The following LPP variants were observed in gnomAD, a reference collection of about 807,000 sequenced individuals.
LPP encodes the protein lipoma-preferred partner.
LPP carries 38 observed loss-of-function variants against 60.4 expected under a neutral mutation model. The ratio of observed to expected loss-of-function variants is 0.63; its 90% CI spans 0.49 to 0.83. The LOEUF is 0.83. Ranked by LOEUF, LPP falls within the 40% of genes least tolerant of loss-of-function variation. LPP has a pLI of 0.00. For missense variants in LPP, 902 were observed against 783.6 expected (o/e 1.15, Z -1.80); for synonymous variants, 328 against 290.8 (o/e 1.13, Z -1.30).
rs71634069 is a variant in LPP at position 188,232,504 on chromosome 3, ATTTTTTTTTT to A, written c.-67+6991_-67+7000del. ...CAGATGCATGCCATCACACCCGGCT[ATTTTTTTTTT>A]TTTTTTTTTTTTTGTATTTTTAGTA... On this transcript the variant is annotated intron_variant, in intron 2 of 11. Coordinates refer to ENST00000617246, the MANE Select transcript of LPP (RefSeq NM_001375462.1). Among the ~76,000 whole-genome samples, 15 of 103,234 alleles carry A rather than the reference ATTTTTTTTTT, an allele frequency of 1.5e-4. No individual in the cohort carries two copies. The Admixed American group carries it at 1.5e-3, about 10-fold the overall frequency. The allele number at this position is 103,234 out of a possible 152,430, so 67.7% of individuals were successfully genotyped here.
chr3:188,744,329 G>C (rs962133823), intron 8 of LPP, among the ~76,000 whole-genome samples: 5 of 152,102 alleles, frequency 3.3e-5, no homozygotes, highest in African/African-American at 1.2e-4. Flanking sequence ...TGCGGAAGCT[G>C]TTTCTTACCT....
chr3:188,618,308 GC>G (rs1845226011), intron 7 of LPP, among the ~76,000 whole-genome samples: 1 of 152,146 alleles, frequency 6.6e-6, no homozygotes, highest in South Asian at 2.1e-4. Context: ...TCAGAAGGTT[GC>G]TTCCTTAAAA....
At chr3:188,471,916 C>T (rs1801946338) in intron 4 of LPP, among the ~76,000 whole-genome samples, 1 of 152,136 alleles carries the variant, frequency 6.6e-6, no homozygotes, top group Non-Finnish European at 1.5e-5. Flanking sequence ...AAACAGAGTG[C>T]TAGATGGCTG....
intron 7 of LPP, among the ~76,000 whole-genome samples, chr3:188,682,312 A>G (rs1232642912): frequency 6.6e-6 from 1 of 152,256 alleles, no homozygotes; most frequent in Non-Finnish European, 1.5e-5. Context: ...TGACTTTTCA[A>G]TCCAATGGTA....
At chr3:188,570,417 A>C (rs1833271713) in intron 6 of LPP, among the ~76,000 whole-genome samples, 1 of 152,044 alleles carries the variant, frequency 6.6e-6, no homozygotes, top group Non-Finnish European at 1.5e-5. Context: ...TTTGAGAATA[A>C]AATCCACATC....
intron 4 of LPP, among the ~76,000 whole-genome samples, chr3:188,466,802 A>AGAATAT (rs1800486413): frequency 2.1e-5 from 1 of 47,276 alleles, no homozygotes; most frequent in Non-Finnish European, 4.3e-5. Context: ...CTGTCATCTC[A>AGAATAT]GAACATATAT....
At chr3:188,685,637 T>G (rs966877736) in intron 7 of LPP, among the ~76,000 whole-genome samples, 2 of 152,160 alleles carry the variant, frequency 1.3e-5, no homozygotes, top group Admixed American at 1.3e-4. Flanking sequence ...AGCTAACTGC[T>G]AAACTTGCAG....
intron 7 of LPP, among the ~76,000 whole-genome samples, chr3:188,674,679 C>A (rs1019798111): frequency 4.6e-5 from 7 of 152,176 alleles, no homozygotes; most frequent in African/African-American, 1.2e-4. Flanking sequence ...TTCATAATAA[C>A]CCTGCTAGAT....
chr3:188,197,685 T>C (rs1729926077), intron 1 of LPP, among the ~76,000 whole-genome samples: 1 of 152,116 alleles, frequency 6.6e-6, no homozygotes, highest in Admixed American at 6.5e-5. Flanking sequence ...GGGTGAGTTT[T>C]GCCTCGGGGC....
At chr3:188,688,368 G>A (rs1861323990) in intron 7 of LPP, among the ~76,000 whole-genome samples, 1 of 152,190 alleles carries the variant, frequency 6.6e-6, no homozygotes, top group African/African-American at 2.4e-5. Flanking sequence ...GATGCCTTCA[G>A]TTGGATAAAT....
chr3:188,485,563 C>T (rs546802867), intron 5 of LPP, among the ~76,000 whole-genome samples: 17 of 151,876 alleles, frequency 1.1e-4, no homozygotes, highest in South Asian at 4.2e-4. Context: ...TTCGGGAGGC[C>T]GAGGCGGGCG....
intron 2 of LPP, among the ~76,000 whole-genome samples, chr3:188,340,501 A>C (rs1389956905): frequency 2.0e-5 from 3 of 148,358 alleles, no homozygotes; most frequent in African/African-American, 5.0e-5. Context: ...TGTAAACGGG[A>C]CATTTTATCA....
chr3:188,272,753 T>C (rs1019842903), intron 2 of LPP, among the ~76,000 whole-genome samples: 1 of 152,210 alleles, frequency 6.6e-6, no homozygotes, highest in African/African-American at 2.4e-5. Context: ...TAAATTTTAA[T>C]GGTTACAAAT....
chr3:188,473,995 C>G (rs544364415), intron 4 of LPP, among the ~76,000 whole-genome samples: 1 of 152,276 alleles, frequency 6.6e-6, no homozygotes, highest in Admixed American at 6.5e-5. Context: ...TACATTAAGA[C>G]AGGTTATTAA....
chr3:188,841,486 G>C (rs1205513644), intron 9 of LPP, among the ~76,000 whole-genome samples: 1 of 143,992 alleles, frequency 6.9e-6, no homozygotes, highest in Admixed American at 7.6e-5. Flanking sequence ...CTGCCTCCCA[G>C]GTTCAAGCGA....
At chr3:188,705,078 C>T (rs564522806) in intron 7 of LPP, among the ~76,000 whole-genome samples, 1 of 152,154 alleles carries the variant, frequency 6.6e-6, no homozygotes, top group African/African-American at 2.4e-5. Flanking sequence ...ATATCTTTAT[C>T]ACTTGAAGTC....
chr3:188,343,122 C>G (rs969736193), intron 3 of LPP, among the ~76,000 whole-genome samples: 1 of 152,078 alleles, frequency 6.6e-6, no homozygotes, highest in Admixed American at 6.6e-5. Context: ...CACCCATCAT[C>G]CAGGTTTTAA....
At chr3:188,158,996 G>A (rs10049067) in intron 1 of LPP, among the ~76,000 whole-genome samples, 10 of 152,068 alleles carry the variant, frequency 6.6e-5, no homozygotes, top group Non-Finnish European at 1.5e-4. Flanking sequence ...CTTGGGTGTC[G>A]TCTCTCCCCA....
intron 9 of LPP, among the ~76,000 whole-genome samples, chr3:188,790,935 A>C (rs1447453602): frequency 1.1e-4 from 1 of 9,254 alleles, no homozygotes; most frequent in Non-Finnish European, 1.5e-4. Context: ...AAAGTCTTCA[A>C]AAAAAAAAAA....
Sources: allele counts gnomAD v4.1 joint callset (sites outside exome capture counted in the v4.1 genomes callset), GRCh38; gene constraint gnomAD v4.1.1; transcripts MANE v1.5; gene names NCBI Gene and HGNC (gene_info 2026-07-23, HGNC 2026-07-21).